RABGAP1L: variants seen among roughly 807,000 people sequenced by gnomAD.
The protein encoded by RABGAP1L is RAB GTPase activating protein 1 like.
RABGAP1L carries 63 observed loss-of-function variants against 137.7 expected under a neutral mutation model. The ratio of observed to expected loss-of-function variants is 0.46; its 90% confidence interval spans 0.37 to 0.56. RABGAP1L has a LOEUF of 0.56. RABGAP1L is among the 20% of genes least tolerant of loss of function. The pLI, the probability that RABGAP1L is intolerant of heterozygous loss-of-function variation, is 0.00. For synonymous variants in RABGAP1L, 431 were observed against 433.7 expected, an observed-to-expected ratio of 0.99 and a Z score of 0.08; for missense variants, 1,095 against 1,244.0, an observed-to-expected ratio of 0.88 and a Z score of 1.80.
intron 18 of RABGAP1L, among the ~76,000 whole-genome samples, chr1:174,757,963 C>T (rs555795504): frequency 3.2e-4 from 47 of 148,068 alleles, no homozygotes; most frequent in African/African-American, 1.1e-3. Flanking sequence ...GCAGAGTTTG[C>T]AGTGAGCCAA....
At chr1:174,734,643 T>C (rs1270900340) in intron 17 of RABGAP1L, among the ~76,000 whole-genome samples, 1 of 152,114 alleles carries the variant, frequency 6.6e-6, no homozygotes, top group Non-Finnish European at 1.5e-5. Context: ...ATCAAACATA[T>C]ATTGATGTTC....
chr1:174,656,716 G>C (rs1473829872), intron 14 of RABGAP1L, among the ~76,000 whole-genome samples: 1 of 152,100 alleles, frequency 6.6e-6, no homozygotes, highest in Non-Finnish European at 1.5e-5. Context: ...ACTGACTTTT[G>C]TGAACTAATT....
intron 13 of RABGAP1L, among the ~76,000 whole-genome samples, chr1:174,546,147 A>T (rs1665993465): frequency 6.6e-6 from 1 of 152,340 alleles, no homozygotes; most frequent in African/African-American, 2.4e-5. Flanking sequence ...TTAGGAAAAA[A>T]AGTCCTTTAA....
At chr1:174,651,825 T>G (rs61826946) in intron 14 of RABGAP1L, among the ~76,000 whole-genome samples, 3,034 of 152,288 alleles carry the variant, frequency 0.02, 49 homozygotes, top group Middle Eastern at 0.054. Context: ...GGAGCATTTA[T>G]TCCATTTACA....
At chr1:174,952,332 G>C in intron 19 of RABGAP1L, among the ~76,000 whole-genome samples, 1 of 109,654 alleles carries the variant, frequency 9.1e-6, no homozygotes, top group Admixed American at 1.1e-4. Flanking sequence ...TGAGACCCTG[G>C]CTCTACCAAA....
At chr1:174,929,080 G>C (rs1663291710) in intron 19 of RABGAP1L, among the ~76,000 whole-genome samples, 1 of 152,060 alleles carries the variant, frequency 6.6e-6, no homozygotes, top group East Asian at 1.9e-4. Context: ...GTGGGGCTGG[G>C]GGGAGGGATA....
Position 174,714,827 on chromosome 1 carries a change from A to C in RABGAP1L, c.2169+12571A>C, listed in dbSNP as rs536565190. 3.9e-5 allele frequency among the ~76,000 whole-genome samples: 6 copies of C among 152,206 alleles called. No homozygotes were observed. In the East Asian group the frequency reaches 1.2e-3, roughly 29 times the overall value. On this transcript the variant is annotated intron_variant, in intron 17 of 25. Transcript: ENST00000681986. Reference sequence around the variant, plus strand: ...CTCTTTGTAGCTTTGTTTTTTTTACAGGGCCTAAAAGATCTCTAAGTATTT... The same window carrying C: ...CTCTTTGTAGCTTTGTTTTTTTTACCGGGCCTAAAAGATCTCTAAGTATTT...
At chr1:174,876,073 C>T (rs1306704204) in intron 19 of RABGAP1L, among the ~76,000 whole-genome samples, 1 of 152,126 alleles carries the variant, frequency 6.6e-6, no homozygotes, top group Non-Finnish European at 1.5e-5. Context: ...CTACTAATTA[C>T]ATTTAAATGG....
intron 19 of RABGAP1L, among the ~76,000 whole-genome samples, chr1:174,841,596 C>G (rs1693408590): frequency 6.6e-6 from 1 of 151,774 alleles, no homozygotes; most frequent in Admixed American, 6.6e-5. Flanking sequence ...AAAAATTGAT[C>G]AGCTAAATAA....
intron 17 of RABGAP1L, among the ~76,000 whole-genome samples, chr1:174,708,213 T>G (rs951122321): frequency 1.3e-5 from 2 of 152,208 alleles, no homozygotes; most frequent in South Asian, 2.1e-4. Flanking sequence ...AAAGCAGTTT[T>G]CAGAAGTTGT....
intron 13 of RABGAP1L, among the ~76,000 whole-genome samples, chr1:174,583,056 C>T (rs1157508366): frequency 7.9e-5 from 12 of 152,126 alleles, no homozygotes; most frequent in African/African-American, 2.9e-4. Flanking sequence ...ATTCCTTTTT[C>T]CAGAGCCTTA....
At chr1:174,520,660 C>T (rs757094879) in intron 13 of RABGAP1L, among the ~76,000 whole-genome samples, 2 of 151,930 alleles carry the variant, frequency 1.3e-5, no homozygotes, top group African/African-American at 2.4e-5. Flanking sequence ...ATTAAAATGG[C>T]GTGTGAATAA....
intron 10 of RABGAP1L, among the ~76,000 whole-genome samples, chr1:174,280,048 G>GAGAGAGAGAGAGA (rs1675362368): frequency 1.3e-4 from 16 of 125,252 alleles, no homozygotes; most frequent in African/African-American, 4.5e-4. Context: ...CTGTCTGCCT[G>GAGAGAGAGAGAGA]GAGAGAGAGA....
chr1:174,525,647 T>C (rs1663809509), intron 13 of RABGAP1L, among the ~76,000 whole-genome samples: 1 of 152,190 alleles, frequency 6.6e-6, no homozygotes, highest in African/African-American at 2.4e-5. Context: ...TCTTGACTGA[T>C]TGCTGTGGCT....
chr1:174,369,151 C>T lies in RABGAP1L; in HGVS notation c.1466-1828C>T, dbSNP rs559314246. Among the ~76,000 whole-genome samples, 16 of 152,188 alleles carry T rather than the reference C, an allele frequency of 1.1e-4. No individual in the cohort carries two copies. The East Asian group carries it at 3.1e-3, about 29-fold the overall frequency. The stretch of plus-strand genomic sequence containing the variant: ...TTTATAAGTGGGCCAACTATCAGTC[C>T]TTGTTTGCGTGACATAGTCTAAGTT... On this transcript the variant is annotated intron_variant, in intron 11 of 25. Coordinates refer to ENST00000681986, the MANE Select transcript of RABGAP1L (RefSeq NM_001366446.1).
intron 13 of RABGAP1L, among the ~76,000 whole-genome samples, chr1:174,511,010 C>G (rs1377409682): frequency 6.6e-6 from 1 of 152,066 alleles, no homozygotes; most frequent in Non-Finnish European, 1.5e-5. Context: ...AATGTGATGT[C>G]AAAACTTTGA....
At chr1:174,273,481 A>G (rs957888598) in intron 8 of RABGAP1L, among the ~76,000 whole-genome samples, 3 of 152,034 alleles carry the variant, frequency 2.0e-5, no homozygotes, top group African/African-American at 7.2e-5. Context: ...TGAATAGGTC[A>G]GGTAAGGAAA....
intron 4 of RABGAP1L, among the ~76,000 whole-genome samples, chr1:174,232,085 T>G (rs1383917749): frequency 6.6e-6 from 1 of 152,246 alleles, no homozygotes; most frequent in Non-Finnish European, 1.5e-5. Flanking sequence ...TAATAGTGGT[T>G]GAAAGAAACT....
intron 13 of RABGAP1L, among the ~76,000 whole-genome samples, chr1:174,556,409 C>T (rs1164635495): frequency 6.6e-6 from 1 of 152,104 alleles, no homozygotes; most frequent in Non-Finnish European, 1.5e-5. Context: ...TTTAGAAATG[C>T]TTATTTGGTG....
Sources: allele counts gnomAD v4.1 joint callset (sites outside exome capture counted in the v4.1 genomes callset), GRCh38; gene constraint gnomAD v4.1.1; transcripts MANE v1.5; gene names NCBI Gene and HGNC (gene_info 2026-07-23, HGNC 2026-07-21).